Variants in PLSCR5 observed in about 807,000 individuals in gnomAD.
PLSCR5 encodes the protein phospholipid scramblase family, member 5.
Under a neutral mutation model 33.6 loss-of-function variants are expected in PLSCR5, and 44 were observed. The ratio of observed to expected loss-of-function variants is 1.31; its 90% CI spans 1.03 to 1.69. The LOEUF is 1.69. PLSCR5 is among the 40% of genes most tolerant of loss of function. PLSCR5 has a pLI of 0.00. For synonymous variants in PLSCR5, 148 were observed against 112.3 expected (o/e 1.32, Z -2.01); for missense variants, 375 against 318.7 (o/e 1.18, Z -1.34).
chr3:146,582,365 A>T (rs1384112110), downstream of PLSCR5, among the ~76,000 whole-genome samples: 1 of 152,222 alleles, frequency 6.6e-6, no homozygotes, highest in East Asian at 1.9e-4. Context: ...AAGGGGAACA[A>T]AGCAATATGG....
At chr3:146,598,172 T>G (rs1298977909) in intron 2 of PLSCR5, among the ~76,000 whole-genome samples, 1 of 152,156 alleles carries the variant, frequency 6.6e-6, no homozygotes, top group Non-Finnish European at 1.5e-5. Flanking sequence ...TTTATTTAAA[T>G]TTTTAAATTT....
At chr3:146,578,450 C>G (rs1446462347) in intron 7 of PLSCR5, among the ~76,000 whole-genome samples, 1 of 151,276 alleles carries the variant, frequency 6.6e-6, no homozygotes, top group Non-Finnish European at 1.5e-5. Flanking sequence ...ATAAAAGCAT[C>G]TCTCCCCTAG....
Position 146,593,891 on chromosome 3 carries a change from A to G in PLSCR5, c.453+29T>C, listed in dbSNP as rs1457404939. 4 of 1,586,936 alleles carry G rather than the reference A, an allele frequency of 2.5e-6. No individual in the cohort carries two copies. The East Asian group carries it at 9.0e-5, about 36-fold the overall frequency. On this transcript the variant is annotated intron_variant, in intron 4 of 7. Coordinates refer to ENST00000443512, the MANE Select transcript of PLSCR5 (RefSeq NM_001085420.2). ...GAAACAAATGCTAATCTTAAAAATC[A>G]AAAAGGACAACCAGAGCCAGTAACT...
chr3:146,591,782 C>T lies in PLSCR5; in HGVS notation c.553G>A (p.Asp185Asn), dbSNP rs765928245. 6.2e-7 allele frequency: 1 copy of T among 1,611,994 alleles called. No homozygotes were observed. The highest frequency in any genetic ancestry group is 8.5e-7 in the Non-Finnish European group (1 of 1,178,922). The change falls in exon 5 of 8, where the codon GAT becomes AAT. Residue 185 changes from aspartate (D) to asparagine (N), a missense_variant. Physicochemically the swap from Asp to Asn is conservative, Grantham distance 23 (BLOSUM62 1). Transcript: ENST00000443512. Reference protein sequence around the residue: ...KFTIQNANKEDILKIVGPCVT... With the variant: ...KFTIQNANKENILKIVGPCVT... ...CAAGGACCAACAATTTTCAAAATAT[C>T]TTCTTTGTTTGCATTTTGGATTGTG...
intron 1 of PLSCR5, among the ~76,000 whole-genome samples, chr3:146,602,447 G>A (rs925575998): frequency 6.6e-6 from 1 of 151,930 alleles, no homozygotes; most frequent in African/African-American, 2.4e-5. Context: ...CCAGAATAGT[G>A]GTCCATCTTG....
At chr3:146,580,371 CT>C (rs72583935) in intron 7 of PLSCR5, among the ~76,000 whole-genome samples, 11,569 of 82,220 alleles carry the variant, frequency 0.14, 496 homozygotes, top group East Asian at 0.25. Context: ...ATTTCTCTCT[CT>C]TCTTGTTTAC....
intron 7 of PLSCR5, among the ~76,000 whole-genome samples, chr3:146,577,883 G>T (rs2044608742): frequency 6.6e-6 from 1 of 152,106 alleles, no homozygotes; most frequent in Non-Finnish European, 1.5e-5. Flanking sequence ...GCCATCTGCA[G>T]CATGAAAGAC....
chr3:146,605,143 G>C, intron 1 of PLSCR5, 57 bp downstream of exon 1: 1 of 1,519,336 alleles, frequency 6.6e-7, no homozygotes, highest in South Asian at 1.2e-5. Context: ...ATCCACAATT[G>C]TATATTTTTA....
chr3:146,578,169 G>A (rs1218883288), intron 7 of PLSCR5, among the ~76,000 whole-genome samples: 1 of 145,746 alleles, frequency 6.9e-6, no homozygotes, highest in African/African-American at 2.5e-5. Flanking sequence ...TATTGATATT[G>A]GAAAATATTT....
Position 146,594,035 on chromosome 3 carries a change from C to A in PLSCR5, c.338G>T (p.Cys113Phe), listed in dbSNP as rs534117353. ...EESICFNRTF[C>F]STLRSCTLRI... ...CAGGGTGCAAGATCGCAGAGTGGAACAGAAAGTACGATTGAAGCAGATGCT... is the reference window on the plus strand; with the variant it reads ...CAGGGTGCAAGATCGCAGAGTGGAAAAGAAAGTACGATTGAAGCAGATGCT... Residue 113 changes from cysteine to phenylalanine, a missense_variant, in exon 4 of 8, where the codon TGT becomes TTT. Cys to Phe is a radical substitution (Grantham distance 205). Transcript: ENST00000443512. 1 of 1,613,732 alleles carries A rather than the reference C, an allele frequency of 6.2e-7. No homozygotes were observed. Among genetic ancestry groups the A allele is most frequent in the Admixed American group, 1.7e-5 (1 of 59,956 alleles).
chr3:146,578,597 C>A (rs1057204082), intron 7 of PLSCR5, among the ~76,000 whole-genome samples: 2 of 152,052 alleles, frequency 1.3e-5, no homozygotes, highest in African/African-American at 4.8e-5. Context: ...ACTTAACCTT[C>A]CTGAGCATTG....
In PLSCR5 at chr3:146,591,865, G is replaced by C; in HGVS notation, c.470C>G (p.Pro157Arg). 1 of 1,605,546 alleles carries C rather than the reference G, an allele frequency of 6.2e-7. No individual in the cohort carries two copies. The highest frequency in any genetic ancestry group is 8.5e-7 in the Non-Finnish European group (1 of 1,176,128). ...AACGTAACCAACTATAGTACCAGGA[G>C]GGGCTTGGATTTCTAACTGTAAGAA... is the stretch of plus-strand genomic sequence containing the variant. ...CYLQELEIQA[P>R]PGTIVGYVTQ... is the part of the protein sequence containing the mutation. Residue 157 changes from proline (P) to arginine (R), a missense_variant, in exon 5 of 8, where the codon CCT becomes CGT. Pro to Arg is a moderately radical substitution (Grantham distance 103). Transcript: ENST00000443512.
In PLSCR5 at chr3:146,592,922, C is replaced by T. The variant is rs1055188474; in HGVS notation, c.453+998G>A. ...ATTAATATTAAATATCCTCAGTAGA[C>T]GGATGGAAATTCTTGGGCTCCATGC... On this transcript the variant is annotated intron_variant, in intron 4 of 7. Coordinates refer to ENST00000443512, the MANE Select transcript of PLSCR5 (RefSeq NM_001085420.2). Among the ~76,000 whole-genome samples the T allele has an allele frequency of 4.6e-5, 7 of 152,120 alleles. No homozygotes were observed. The South Asian group carries it at 6.2e-4, about 13-fold the overall frequency.
intron 6 of PLSCR5, among the ~76,000 whole-genome samples, chr3:146,587,847 C>T (rs956178073): frequency 2.6e-5 from 4 of 150,996 alleles, no homozygotes. Flanking sequence ...TCCTAATATA[C>T]ATACTTGTAT....
downstream of PLSCR5, among the ~76,000 whole-genome samples, chr3:146,583,718 T>G (rs1337621728): frequency 6.6e-6 from 1 of 152,200 alleles, no homozygotes; most frequent in Non-Finnish European, 1.5e-5. Context: ...AAATGAGTGA[T>G]ATATTCTAAG....
intron 6 of PLSCR5, among the ~76,000 whole-genome samples, chr3:146,587,381 G>A (rs139472264): frequency 8.5e-5 from 13 of 152,320 alleles, no homozygotes; most frequent in Admixed American, 2.0e-4. Context: ...TTAAAATACA[G>A]AGAACTGTAG....
chr3:146,603,374 A>G (rs548969847), intron 1 of PLSCR5, among the ~76,000 whole-genome samples: 36 of 152,258 alleles, frequency 2.4e-4, no homozygotes, highest in Non-Finnish European at 4.7e-4. Context: ...AATTCACAAG[A>G]AAGCTTCATT....
At position 146,585,946 on chromosome 3, in the gene PLSCR5, G is replaced by T. The variant is rs2044662466; in HGVS notation, c.*45-4C>A. 1 of 1,023,804 alleles carries T rather than the reference G, an allele frequency of 9.8e-7. No homozygotes were observed. Among genetic ancestry groups the T allele is most frequent in the South Asian group, 1.9e-5 (1 of 52,392 alleles). The allele number at this position is 1,023,804 out of a possible 1,614,324, so 63.4% of individuals were successfully genotyped here. A position where few individuals can be genotyped will look rare whatever the true frequency, so the allele number is the denominator to read the frequency against. On this transcript the variant is annotated splice_region_variant and splice_polypyrimidine_tract_variant and intron_variant, in intron 7 of 7. Coordinates refer to ENST00000443512, the MANE Select transcript of PLSCR5 (RefSeq NM_001085420.2). ...AAATCCAGAGCCCAAGGGATTTCTA[G>T]AAGAAAATGAAAAAGAGTTAGATAG... is the stretch of plus-strand genomic sequence containing the variant.
chr3:146,583,743 TTAGTGAGTCTCCC>T (rs1238600120), downstream of PLSCR5, among the ~76,000 whole-genome samples: 7 of 152,308 alleles, frequency 4.6e-5, no homozygotes, highest in African/African-American at 1.7e-4. Flanking sequence ...ATTTTAATCT[TTAGTGAGTCTCCC>T]TTTGGTGTAA....
Sources: allele counts gnomAD v4.1 joint callset (sites outside exome capture counted in the v4.1 genomes callset), GRCh38; gene constraint gnomAD v4.1.1; transcripts MANE v1.5; gene names NCBI Gene and HGNC (gene_info 2026-07-23, HGNC 2026-07-21).